Variants in A2ML1 observed in about 807,000 individuals in gnomAD.
A2ML1 encodes alpha-2-macroglobulin like 1, also known as alpha-2-macroglobulin-like protein 1.
In A2ML1, 161 loss-of-function variants were observed where a neutral mutation model predicts 181.9. The ratio of observed to expected loss-of-function variants is 0.89; its 90% CI spans 0.78 to 1.01. The LOEUF (loss-of-function observed/expected upper bound fraction) is 1.01. Among genes scored for constraint, A2ML1 ranks in the 50% least tolerant of loss-of-function variants. The probability of loss-of-function intolerance (pLI) is 0.00; values close to 1 mark genes in which losing one functional copy is unlikely to be tolerated. For synonymous variants in A2ML1, 663 were observed against 666.8 expected, an observed-to-expected ratio of 0.99 and a Z score of 0.09; for missense variants, 1,670 against 1,768.1, an observed-to-expected ratio of 0.94 and a Z score of 1.00.
Position 8,857,145 on chromosome 12 carries a change from C to CG in A2ML1, c.2849-19_2849-18insG. The CG allele has an allele frequency of 6.2e-7, 1 of 1,606,746 alleles. No homozygotes were observed. The highest frequency in any genetic ancestry group is 8.5e-7 in the Non-Finnish European group (1 of 1,176,188). On this transcript the variant is annotated intron_variant, in intron 23 of 35. Coordinates refer to ENST00000299698, the MANE Select transcript of A2ML1 (RefSeq NM_144670.6). Reference sequence around the variant, plus strand: ...TCTTCTCTGTACCCCTACCTTCTCTCTCTCCTTTTGGATCCCAGGAGACAT... The same window carrying CG: ...TCTTCTCTGTACCCCTACCTTCTCTCGTCTCCTTTTGGATCCCAGGAGACAT...
downstream of A2ML1, among the ~76,000 whole-genome samples, chr12:8,881,483 G>A (rs183924062): frequency 2.8e-4 from 43 of 152,296 alleles, no homozygotes; most frequent in African/African-American, 1.0e-3. Flanking sequence ...TGTCATATAA[G>A]TTATTCTCCT....
intron 26 of A2ML1, among the ~76,000 whole-genome samples, chr12:8,859,169 G>A (rs1306959542): frequency 3.3e-5 from 5 of 151,798 alleles, no homozygotes; most frequent in Non-Finnish European, 7.4e-5. Flanking sequence ...AGGGCGAGGC[G>A]TAGATCCTGC....
At position 8,842,373 on chromosome 12, in the gene A2ML1, C is replaced by T. The variant is rs369181918; in HGVS notation, c.1249-761C>T. Among the ~76,000 whole-genome samples the T allele has an allele frequency of 6.1e-4, 90 of 147,832 alleles. No individual in the cohort carries two copies. In the East Asian group the frequency reaches 0.016, roughly 26 times the overall value. ...AGCTGGGACTACAGGCGCCTGCCAC[C>T]ACGCCCGGCTAATTTTTTGTATTTT... On this transcript the variant is annotated intron_variant, in intron 11 of 35. Coordinates refer to ENST00000299698, the MANE Select transcript of A2ML1 (RefSeq NM_144670.6).
At chr12:8,848,527 A>G (rs776748744) in intron 15 of A2ML1, among the ~76,000 whole-genome samples, 193 bp from the exon 16 acceptor site, 1 of 152,270 alleles carries the variant, frequency 6.6e-6, no homozygotes, top group East Asian at 1.9e-4. Flanking sequence ...GGATTATGAA[A>G]AAATAGGTGA....
Position 8,863,791 on chromosome 12 carries a change from T to C in A2ML1, c.3503-3T>C, listed in dbSNP as rs748270792. ...CATCCTAGTTATGTTTCTTTTTCCA[T>C]AGGAGAATCCATTTACTGGAGCCAG... On this transcript the variant is annotated splice_polypyrimidine_tract_variant and splice_region_variant and intron_variant, in intron 28 of 35. Coordinates refer to ENST00000299698, the MANE Select transcript of A2ML1 (RefSeq NM_144670.6). 7 of 1,613,970 alleles carry C rather than the reference T, an allele frequency of 4.3e-6. No homozygotes were observed. Among genetic ancestry groups the C allele is most frequent in the South Asian group, 2.2e-5 (2 of 91,060 alleles).
Position 8,855,578 on chromosome 12 carries a change from A to T in A2ML1, c.2834A>T (p.Tyr945Phe), listed in dbSNP as rs375843284. ...VDIVPDSTKAYVTVLGDIMGT... is the reference protein window; with the variant it reads ...VDIVPDSTKAFVTVLGDIMGT... ...ATTGTTCCTGACTCGACCAAGGCTT[A>T]TGTTACGGTTCTGGGTAAGCAGTTA... is the stretch of plus-strand genomic sequence containing the variant. Residue 945 changes from tyrosine (Y) to phenylalanine (F), a missense_variant, in exon 23 of 36, where the codon TAT becomes TTT. Physicochemically the swap from Tyr to Phe is conservative, Grantham distance 22 (BLOSUM62 3). Transcript: ENST00000299698. 1.1e-5 allele frequency: 17 copies of T among 1,613,992 alleles called. No individual in the cohort carries two copies. The African/African-American group carries it at 2.3e-4, about 22-fold the overall frequency.
intron 16 of A2ML1, 100 bp downstream of exon 16, chr12:8,849,014 C>T (rs1028048168): frequency 9.3e-6 from 12 of 1,286,972 alleles, no homozygotes; most frequent in Non-Finnish European, 1.3e-5. Context: ...CATATGGGCA[C>T]TGATGGGAAC....
At position 8,855,585 on chromosome 12, in the gene A2ML1, G is replaced by A. The variant is rs201562692; in HGVS notation, c.2841G>A (p.Thr947=). 5.3e-4 allele frequency: 853 copies of A among 1,614,096 alleles called. 2 individuals are homozygous for A. The highest frequency in any genetic ancestry group is 6.6e-4 in the Non-Finnish European group (781 of 1,180,006). ...IVPDSTKAYV[T]VLGDIMGTAL... is the part of the protein sequence containing the mutation. The stretch of plus-strand genomic sequence containing the variant: ...CTGACTCGACCAAGGCTTATGTTAC[G>A]GTTCTGGGTAAGCAGTTAGAGATTC... Residue 947 remains threonine (T), a synonymous_variant, in exon 23 of 36, where the codon ACG becomes ACA. Transcript: ENST00000299698.
At chr12:8,850,032 C>A in intron 17 of A2ML1, 128 bp from the exon 18 acceptor site, 1 of 770,806 alleles carries the variant, frequency 1.3e-6, no homozygotes, top group Non-Finnish European at 2.1e-6. Context: ...TTGGTCCTTC[C>A]TCCTTGCCTC....
chr12:8,872,313 C>A (rs973041078), intron 33 of A2ML1, among the ~76,000 whole-genome samples: 2 of 151,924 alleles, frequency 1.3e-5, no homozygotes, highest in Non-Finnish European at 2.9e-5. Flanking sequence ...TTCAGTGTCC[C>A]TTTATACTCT....
chr12:8,861,022 A>T, intron 27 of A2ML1, 67 bp downstream of exon 27: 4 of 1,605,420 alleles, frequency 2.5e-6, no homozygotes, highest in Admixed American at 1.7e-5. Context: ...ACATTCACCC[A>T]TCTTTGTCTC....
chr12:8,869,687 T>C (rs201838309), intron 33 of A2ML1, among the ~76,000 whole-genome samples: 1 of 152,080 alleles, frequency 6.6e-6, no homozygotes, highest in East Asian at 1.9e-4. Flanking sequence ...ACAAGTGACA[T>C]TGCAACTCTA....
In A2ML1 at chr12:8,839,190, T is replaced by G. The variant is rs777134639; in HGVS notation, c.1048T>G (p.Phe350Val). The G allele has an allele frequency of 6.2e-7, 1 of 1,613,650 alleles. No individual in the cohort carries two copies. Among genetic ancestry groups the G allele is most frequent in the South Asian group, 1.1e-5 (1 of 91,068 alleles). ...AATGACCTTTGAAGACACCAGCAAT[T>G]TTTACCATCCAAATTTCCCCTTCAG... ...GSMTFEDTSN[F>V]YHPNFPFSGK... Residue 350 changes from phenylalanine (F) to valine (V), a missense_variant, in exon 10 of 36, where the codon TTT (phenylalanine) becomes GTT (valine). Phe to Val is a conservative substitution (Grantham distance 50, BLOSUM62 -1). Transcript: ENST00000299698.
chr12:8,858,671 T>C (rs1397945930), intron 26 of A2ML1, among the ~76,000 whole-genome samples: 3 of 152,110 alleles, frequency 2.0e-5, no homozygotes, highest in African/African-American at 4.8e-5. Context: ...TGGGAACTTG[T>C]TGGAAACGCA....
chr12:8,846,539 T>C (rs1385358102), intron 14 of A2ML1, among the ~76,000 whole-genome samples: 1 of 152,026 alleles, frequency 6.6e-6, no homozygotes, highest in Non-Finnish European at 1.5e-5. Context: ...ATCCTGTCTG[T>C]ACAAAAAAAT....
At chr12:8,866,858 T>A (rs905807969) in intron 29 of A2ML1, among the ~76,000 whole-genome samples, 1 of 151,982 alleles carries the variant, frequency 6.6e-6, no homozygotes, top group Non-Finnish European at 1.5e-5. Context: ...GTAATAGATA[T>A]TTTTTGTAAT....
chr12:8,873,789 G>A (rs1944707754), intron 33 of A2ML1, among the ~76,000 whole-genome samples: 1 of 152,054 alleles, frequency 6.6e-6, no homozygotes, highest in Non-Finnish European at 1.5e-5. Context: ...AGAACTGTTG[G>A]AGTAAAATGC....
downstream of A2ML1, among the ~76,000 whole-genome samples, chr12:8,879,017 C>T (rs1258272144): frequency 2.0e-5 from 3 of 151,910 alleles, no homozygotes; most frequent in Admixed American, 6.6e-5. Flanking sequence ...AGAATATTCC[C>T]CCAAGCCCAG....
At position 8,868,319 on chromosome 12, in the gene A2ML1, G is replaced by A. The variant is rs751414888; in HGVS notation, c.4023G>A (p.Pro1341=). Residue 1341 remains proline (P), a synonymous_variant, in exon 31 of 36, where the codon CCG becomes CCA. Transcript: ENST00000299698. ...TAGGAAAAGCTAGATGTGAGCAACCGACTTCACCTCGATCCTTGACTCTCA... is the reference window on the plus strand; with the variant it reads ...TAGGAAAAGCTAGATGTGAGCAACCAACTTCACCTCGATCCTTGACTCTCA... ...VEIGKARCEQ[P]TSPRSLTLTI... 9.9e-6 allele frequency: 16 copies of A among 1,613,436 alleles called. No homozygotes were observed. The highest frequency in any genetic ancestry group is 6.7e-5 in the East Asian group (3 of 44,878).
Sources: gnomAD v4.1 joint callset for allele counts (sites outside exome capture counted in the v4.1 genomes callset) on GRCh38, gnomAD v4.1.1 for gene constraint, MANE v1.5 for transcripts, NCBI Gene and HGNC (gene_info 2026-07-23, HGNC 2026-07-21) for gene names.